The following ABHD5 variants were observed in gnomAD, a reference collection of about 807,000 sequenced individuals.
ABHD5 encodes the protein abhydrolase domain containing 5, lysophosphatidic acid acyltransferase.
ABHD5 carries 30 observed loss-of-function variants against 44.9 expected under a neutral mutation model. That is an observed-to-expected ratio of 0.67 (90% CI 0.50 to 0.91). ABHD5 has a LOEUF of 0.91. ABHD5 is among the 40% of genes least tolerant of loss of function. The pLI is 0.00. For missense variants in ABHD5, 399 were observed against 423.4 expected, an observed-to-expected ratio of 0.94 and a Z score of 0.50; for synonymous variants, 167 against 147.0, an observed-to-expected ratio of 1.14 and a Z score of -0.99.
At chr3:43,728,403 T>C (rs2084892029) in intron 7 of ABHD5, among the ~76,000 whole-genome samples, 1 of 152,214 alleles carries the variant, frequency 6.6e-6, no homozygotes, top group Non-Finnish European at 1.5e-5. Flanking sequence ...TCTTGAGTAA[T>C]GAGTGTTTTT....
intron 2 of ABHD5, 67 bp downstream of exon 2, chr3:43,699,428 C>T: frequency 1.4e-6 from 2 of 1,392,172 alleles, no homozygotes; most frequent in Non-Finnish European, 2.0e-6. Flanking sequence ...TCTCATTGCC[C>T]TGAAACTGGA....
rs748543477 is a variant in ABHD5, at chr3:43,715,108, T to TGTGTGTGA, written c.773+57_773+58insAGTGTGTG. On this transcript the variant is annotated intron_variant, in intron 5 of 6. Coordinates refer to ENST00000644371, the MANE Select transcript of ABHD5 (RefSeq NM_016006.6). ...CTCTGTGTGTGTGTGTGTGTGTGTG[T>TGTGTGTGA]GTGTGTGTGTGTTTGTGTGTGTTTT... 8.3e-6 allele frequency: 10 copies of TGTGTGTGA among 1,200,668 alleles called. No individual in the cohort carries two copies. In the African/African-American group the frequency reaches 1.5e-4, roughly 18 times the overall value. 74.4% of individuals were successfully genotyped at this position (1,200,668 alleles called of 1,614,324 possible).
chr3:43,699,226 T>G (rs1040309966), intron 1 of ABHD5, 50 bp from the exon 2 acceptor site: 4 of 1,477,056 alleles, frequency 2.7e-6, no homozygotes, highest in Non-Finnish European at 3.8e-6. Context: ...AATTGGTAGT[T>G]GAGAAGAGCA....
In ABHD5 at chr3:43,718,626, C is replaced by G. The variant is rs1559419550; in HGVS notation, c.*94C>G. On this transcript the variant is annotated 3_prime_UTR_variant, in exon 7 of 7. Transcript: ENST00000644371. ...GATGAAGAGTAGTGAATACAACACA[C>G]AACCAGGCAGCCTTCTTGACTATAC... is the stretch of plus-strand genomic sequence containing the variant. 8.2e-7 allele frequency: 1 copy of G among 1,218,710 alleles called. No homozygotes were observed. Among genetic ancestry groups the G allele is most frequent in the African/African-American group, 1.5e-5 (1 of 67,044 alleles). 75.5% of individuals were successfully genotyped at this position (1,218,710 alleles called of 1,614,324 possible).
chr3:43,709,741 G>A (rs917060140), intron 3 of ABHD5, among the ~76,000 whole-genome samples: 1 of 151,978 alleles, frequency 6.6e-6, no homozygotes, highest in African/African-American at 2.4e-5. Context: ...TCTTATTGTG[G>A]GCTATAATTA....
intron 3 of ABHD5, among the ~76,000 whole-genome samples, chr3:43,705,670 C>T (rs562074278): frequency 1.6e-4 from 24 of 152,270 alleles, no homozygotes; most frequent in Admixed American, 1.2e-3. Flanking sequence ...AACAATCTCA[C>T]GGGCTTCCCC....
chr3:43,695,586 C>T (rs1283366280), intron 1 of ABHD5, among the ~76,000 whole-genome samples: 1 of 152,146 alleles, frequency 6.6e-6, no homozygotes, highest in Non-Finnish European at 1.5e-5. Flanking sequence ...ATATTTTCTT[C>T]AGAATACTTC....
At chr3:43,726,444 T>C (rs2084878394), downstream of ABHD5, among the ~76,000 whole-genome samples, 1 of 152,138 alleles carries the variant, frequency 6.6e-6, no homozygotes. Context: ...AGCCAGGCAT[T>C]GAGGACAACA....
chr3:43,713,792 G>A (rs1004537738), intron 4 of ABHD5, among the ~76,000 whole-genome samples: 1 of 152,186 alleles, frequency 6.6e-6, no homozygotes, highest in Non-Finnish European at 1.5e-5. Flanking sequence ...TTAGGAGACA[G>A]TGATGGGCAA....
intron 1 of ABHD5, among the ~76,000 whole-genome samples, chr3:43,697,968 G>A (rs2084493897): frequency 6.6e-6 from 1 of 152,154 alleles, no homozygotes; most frequent in Admixed American, 6.5e-5. Flanking sequence ...AGAATCCCCT[G>A]GATTGTGAGT....
chr3:43,696,236 G>T (rs1243783138), intron 1 of ABHD5, among the ~76,000 whole-genome samples: 3 of 152,130 alleles, frequency 2.0e-5, no homozygotes, highest in Non-Finnish European at 4.4e-5. Context: ...AGTGTTTATT[G>T]CTTGTCTCCT....
At chr3:43,710,073 A>G (rs2084668826) in intron 3 of ABHD5, among the ~76,000 whole-genome samples, 1 of 152,154 alleles carries the variant, frequency 6.6e-6, no homozygotes, top group South Asian at 2.1e-4. Flanking sequence ...GGAATTTAGG[A>G]GGTGGTCAAA....
In ABHD5 at chr3:43,702,316, G is replaced by A. The variant is rs2084551558; in HGVS notation, c.235G>A (p.Val79Ile). The change falls in exon 3 of 7, where the codon GTC (valine) becomes ATC (isoleucine). Residue 79 changes from valine to isoleucine, a missense_variant. Coordinates refer to ENST00000644371, the MANE Select transcript of ABHD5 (RefSeq NM_016006.6). ...SHNISNKTPL[V>I]LLHGFGGGLG... ...TAATATTTCAAATAAGACTCCACTT[G>A]TCCTTCTCCATGGTTTTGGAGGAGG... The A allele has an allele frequency of 1.9e-6, 3 of 1,611,042 alleles. No homozygotes were observed. The highest frequency in any genetic ancestry group is 1.3e-5 in the African/African-American group (1 of 74,832).
At chr3:43,711,917 G>C in intron 4 of ABHD5, 54 bp downstream of exon 4, 1 of 1,609,864 alleles carries the variant, frequency 6.2e-7, no homozygotes, top group East Asian at 2.2e-5. Flanking sequence ...GAGAAGAGCA[G>C]AATTCACTAT....
At chr3:43,708,927 G>A (rs2084654975) in intron 3 of ABHD5, among the ~76,000 whole-genome samples, 1 of 152,048 alleles carries the variant, frequency 6.6e-6, no homozygotes, top group African/African-American at 2.4e-5. Flanking sequence ...TTATTTTTCT[G>A]TTCCAAACAG....
intron 2 of ABHD5, among the ~76,000 whole-genome samples, chr3:43,700,062 C>T: frequency 6.6e-6 from 1 of 152,150 alleles, no homozygotes; most frequent in South Asian, 2.1e-4. Flanking sequence ...AGTGGAAGTA[C>T]TAGACTGGAC....
downstream of ABHD5, among the ~76,000 whole-genome samples, chr3:43,724,733 T>C (rs930553973): frequency 3.3e-5 from 5 of 152,188 alleles, no homozygotes; most frequent in African/African-American, 7.2e-5. Flanking sequence ...TATGTAAATA[T>C]ATACATGCAT....
At chr3:43,727,909 G>T (rs78131311) in intron 7 of ABHD5, among the ~76,000 whole-genome samples, 2 of 152,128 alleles carry the variant, frequency 1.3e-5, no homozygotes, top group East Asian at 1.9e-4. Flanking sequence ...GCACCTGGCC[G>T]TATTTGTACT....
intron 7 of ABHD5, among the ~76,000 whole-genome samples, chr3:43,731,254 C>A (rs546466146): frequency 6.6e-6 from 1 of 152,166 alleles, no homozygotes; most frequent in Non-Finnish European, 1.5e-5. Context: ...AAGGATCGTT[C>A]GCTAAAGCTA....
Sources: gnomAD v4.1 joint callset for allele counts (sites outside exome capture counted in the v4.1 genomes callset) on GRCh38, gnomAD v4.1.1 for gene constraint, MANE v1.5 for transcripts, NCBI Gene and HGNC (gene_info 2026-07-23, HGNC 2026-07-21) for gene names.